Variants in CTNND2 observed in about 807,000 individuals in gnomAD.
CTNND2 encodes catenin delta-2.
In CTNND2, 22 loss-of-function variants were observed where a neutral mutation model predicts 144.4. That is an observed-to-expected ratio of 0.15 (90% CI 0.11 to 0.22). The LOEUF (loss-of-function observed/expected upper bound fraction) is 0.22. Among genes scored for constraint, CTNND2 ranks in the 10% least tolerant of loss-of-function variants. The pLI, the probability that CTNND2 is intolerant of heterozygous loss-of-function variation, is 1.00. For synonymous variants in CTNND2, 751 were observed against 695.6 expected, an observed-to-expected ratio of 1.08 and a Z score of -1.25; for missense variants, 1,353 against 1,618.8, an observed-to-expected ratio of 0.84 and a Z score of 2.82.
At chr5:10,974,940 A>T (rs1171222797) in intron 21 of CTNND2, among the ~76,000 whole-genome samples, 1 of 152,214 alleles carries the variant, frequency 6.6e-6, no homozygotes, top group Admixed American at 6.5e-5. Flanking sequence ...TCTTCAAAGA[A>T]GTGGTGAACT....
chr5:11,801,623 C>A (rs536502606), intron 1 of CTNND2, among the ~76,000 whole-genome samples: 80 of 152,228 alleles, frequency 5.3e-4, no homozygotes, highest in Non-Finnish European at 5.6e-4. Context: ...CCATAGGCAG[C>A]AACCAATTTT....
intron 12 of CTNND2, among the ~76,000 whole-genome samples, chr5:11,126,657 C>A (rs889432595): frequency 1.3e-5 from 2 of 152,160 alleles, no homozygotes; most frequent in Non-Finnish European, 2.9e-5. Context: ...ATGTAACTAG[C>A]AGTGTGAAGA....
chr5:11,049,318 T>C (rs777773490), intron 16 of CTNND2, among the ~76,000 whole-genome samples: 1 of 152,202 alleles, frequency 6.6e-6, no homozygotes, highest in Non-Finnish European at 1.5e-5. Context: ...AGGGTGTGAT[T>C]TGGTAAAACT....
At chr5:11,352,369 CAT>C (rs1162321216) in intron 8 of CTNND2, among the ~76,000 whole-genome samples, 1 of 152,146 alleles carries the variant, frequency 6.6e-6, no homozygotes, top group Non-Finnish European at 1.5e-5. Context: ...AAATAGCTCT[CAT>C]AGTTTCCTTC....
intron 18 of CTNND2, among the ~76,000 whole-genome samples, chr5:11,001,386 G>A (rs1187226757): frequency 2.6e-5 from 4 of 152,102 alleles, no homozygotes; most frequent in Non-Finnish European, 4.4e-5. Flanking sequence ...TCACAATACA[G>A]ACTTTAGCAA....
intron 10 of CTNND2, among the ~76,000 whole-genome samples, chr5:11,220,788 G>T (rs139865740): frequency 2.6e-5 from 4 of 152,306 alleles, no homozygotes; most frequent in East Asian, 1.9e-4. Context: ...GCTTAACAAA[G>T]CTTGTGTGGG....
intron 3 of CTNND2, among the ~76,000 whole-genome samples, chr5:11,451,084 T>G (rs188181251): frequency 9.7e-4 from 147 of 151,732 alleles, no homozygotes; most frequent in Admixed American, 1.9e-3. Context: ...AATTATAAAT[T>G]TATATTTTAT....
intron 1 of CTNND2, among the ~76,000 whole-genome samples, chr5:11,748,356 T>C (rs1788428963): frequency 6.6e-6 from 1 of 152,092 alleles, no homozygotes; most frequent in Non-Finnish European, 1.5e-5. Flanking sequence ...ATTATATATA[T>C]TTAAAAGGTA....
intron 1 of CTNND2, among the ~76,000 whole-genome samples, chr5:11,796,035 A>G (rs922975287): frequency 1.3e-5 from 2 of 152,162 alleles, no homozygotes; most frequent in Admixed American, 6.5e-5. Flanking sequence ...CTATCTTCAA[A>G]GCCAGCAATG....
intron 9 of CTNND2, among the ~76,000 whole-genome samples, chr5:11,284,726 A>T (rs1342826381): frequency 6.6e-6 from 1 of 152,200 alleles, no homozygotes; most frequent in Non-Finnish European, 1.5e-5. Flanking sequence ...ATGAACATAC[A>T]TGTACATGTG....
chr5:11,815,994 C>T (rs1002441277), intron 1 of CTNND2, among the ~76,000 whole-genome samples: 4 of 152,066 alleles, frequency 2.6e-5, no homozygotes, highest in Admixed American at 6.6e-5. Flanking sequence ...CTCCTTGTCC[C>T]GTGGCCAGCT....
chr5:11,601,034 T>TA (rs1200215407), intron 2 of CTNND2, among the ~76,000 whole-genome samples: 2 of 152,180 alleles, frequency 1.3e-5, no homozygotes, highest in African/African-American at 4.8e-5. Context: ...GTTTTTTTTT[T>TA]ATACATGATA....
intron 3 of CTNND2, among the ~76,000 whole-genome samples, chr5:11,548,727 C>CT (rs1485386716): frequency 6.6e-6 from 1 of 152,162 alleles, no homozygotes; most frequent in Non-Finnish European, 1.5e-5. Flanking sequence ...AAATCCAATC[C>CT]TTTAACAGAA....
intron 16 of CTNND2, among the ~76,000 whole-genome samples, chr5:11,044,210 A>T (rs1744982365): frequency 6.6e-6 from 1 of 152,112 alleles, no homozygotes; most frequent in Non-Finnish European, 1.5e-5. Context: ...TGAAATGCAG[A>T]CACCAAACAT....
chr5:11,467,488 C>T (rs1393087215), intron 3 of CTNND2, among the ~76,000 whole-genome samples: 1 of 152,146 alleles, frequency 6.6e-6, no homozygotes, highest in Non-Finnish European at 1.5e-5. Flanking sequence ...TACATCGGGC[C>T]TGATTCTACA....
At chr5:11,155,752 A>G (rs1758163068) in intron 12 of CTNND2, among the ~76,000 whole-genome samples, 1 of 152,180 alleles carries the variant, frequency 6.6e-6, no homozygotes. Flanking sequence ...TTCCTCAGTG[A>G]CAGACAGATA....
chr5:11,675,468 G>C (rs923509401), intron 2 of CTNND2, among the ~76,000 whole-genome samples: 3 of 152,066 alleles, frequency 2.0e-5, no homozygotes, highest in African/African-American at 7.2e-5. Context: ...AGAGAAACCA[G>C]AGTGGGGCAG....
chr5:11,236,950 G>A (rs1480883863), intron 9 of CTNND2, 127 bp from the exon 10 acceptor site: 1 of 1,003,260 alleles, frequency 1.0e-6, no homozygotes, highest in Non-Finnish European at 1.5e-6. Context: ...GACTGTTCTG[G>A]TTTTCTTACA....
intron 1 of CTNND2, among the ~76,000 whole-genome samples, chr5:11,765,298 G>A (rs1005183024): frequency 7.2e-5 from 11 of 152,294 alleles, no homozygotes; most frequent in African/African-American, 2.2e-4. Flanking sequence ...GCCCAGGGAC[G>A]AGCAGAAGCC....
Sources: allele counts gnomAD v4.1 joint callset (sites outside exome capture counted in the v4.1 genomes callset), GRCh38; gene constraint gnomAD v4.1.1; transcripts MANE v1.5; gene names NCBI Gene and HGNC (gene_info 2026-07-23, HGNC 2026-07-21).